Variants in OGG1 observed in about 807,000 individuals in gnomAD.
OGG1 encodes N-glycosylase/DNA lyase.
In OGG1, 35 loss-of-function variants were observed where a neutral mutation model predicts 42.3. The observed-to-expected ratio is 0.83, with a 90% CI of 0.63 to 1.10. OGG1 has a LOEUF of 1.10. Among genes scored for constraint, OGG1 ranks in the 50% least tolerant of loss-of-function variants. The probability of loss-of-function intolerance (pLI) is 0.00; values close to 1 mark genes in which losing one functional copy is unlikely to be tolerated. For missense variants in OGG1, 484 were observed against 446.7 expected (o/e 1.08, Z -0.75); for synonymous variants, 189 against 179.0 (o/e 1.06, Z -0.44).
chr3:9,766,202 C>G, exon 8 of OGG1: 1 of 761,170 alleles, frequency 1.3e-6, no homozygotes, highest in Non-Finnish European at 2.3e-6. Context: ...TTTGCCACCA[C>G]CTGGGGAGAG....
intron 7 of OGG1, chr3:9,763,228 G>T (rs780729700): frequency 1.1e-5 from 17 of 1,613,580 alleles, no homozygotes; most frequent in Non-Finnish European, 1.4e-5. Context: ...AAGGAGAAAT[G>T]AGGTGGTTTA....
At chr3:9,790,643 A>T (rs17050572), downstream of OGG1, among the ~76,000 whole-genome samples, 335 of 152,352 alleles carry the variant, frequency 2.2e-3, 11 homozygotes, top group East Asian at 0.06. Flanking sequence ...AAGTCATCAG[A>T]GTAGCAAATA....
chr3:9,787,417 A>G (rs1246965793), intron 3 of OGG1: 2 of 1,518,250 alleles, frequency 1.3e-6, no homozygotes, highest in Admixed American at 2.2e-5. Flanking sequence ...TCACTTACCT[A>G]TCTTATATCT....
Position 9,766,207 on chromosome 3 carries a change from G to GGA in OGG1, c.*380_*381dup, listed in dbSNP as rs767929028. On this transcript the variant is annotated 3_prime_UTR_variant, in exon 8 of 8. Transcript: ENST00000302008. Reference sequence around the variant, plus strand: ...GGCGATCATCTTTGCCACCACCTGGGGAGAGCCTGCTTGGGAATGAAATTA... The same window carrying GGA: ...GGCGATCATCTTTGCCACCACCTGGGGAGAGAGCCTGCTTGGGAATGAAATTA... The GGA allele has an allele frequency of 5.4e-6, 4 of 746,488 alleles. No homozygotes were observed. In the Admixed American group the frequency reaches 8.0e-5, roughly 15 times the overall value. 46.2% of individuals were successfully genotyped at this position (746,488 alleles called of 1,614,324 possible). A position where few individuals can be genotyped will look rare whatever the true frequency, so the allele number is the denominator to read the frequency against.
intron 7 of OGG1, among the ~76,000 whole-genome samples, chr3:9,764,875 A>G (rs2125590442): frequency 6.6e-6 from 1 of 152,164 alleles, no homozygotes; most frequent in African/African-American, 2.4e-5. Context: ...AGGAAGGCTC[A>G]GCTCTGCCAC....
chr3:9,769,761 C>G (rs1408537557), downstream of OGG1: 1 of 152,218 alleles, frequency 6.6e-6, no homozygotes, highest in African/African-American at 2.4e-5. Context: ...GGAAAGGATA[C>G]CCAGAGGCTA....
chr3:9,765,241 AATT>A (rs927744181), intron 7 of OGG1, among the ~76,000 whole-genome samples: 2 of 151,880 alleles, frequency 1.3e-5, no homozygotes, highest in African/African-American at 4.8e-5. Context: ...AAAAAAAAAA[AATT>A]ATCTGCCCAG....
downstream of OGG1, chr3:9,759,209 T>C (rs115609368): frequency 6.1e-4 from 979 of 1,614,088 alleles, 5 homozygotes; most frequent in Admixed American, 9.3e-3. Context: ...ATCACCACTT[T>C]TATGACCTTT....
downstream of OGG1, among the ~76,000 whole-genome samples, chr3:9,790,927 T>C (rs2078714442): frequency 6.6e-6 from 1 of 152,198 alleles, no homozygotes; most frequent in Non-Finnish European, 1.5e-5. Context: ...TCACCTGGTA[T>C]GTACTTGACT....
chr3:9,782,708 C>A, intron 3 of OGG1, among the ~76,000 whole-genome samples: 1 of 150,890 alleles, frequency 6.6e-6, no homozygotes, highest in East Asian at 2.0e-4. Context: ...GGAGAACTGC[C>A]TGAACCCGGG....
downstream of OGG1, chr3:9,760,262 A>T (rs1436888015): frequency 5.3e-6 from 1 of 187,394 alleles, no homozygotes; most frequent in Non-Finnish European, 1.1e-5. Flanking sequence ...AGAAAAAAAA[A>T]AAAAAGTTGT....
chr3:9,767,533 C>T (rs2078187758), downstream of OGG1: 1 of 1,080,786 alleles, frequency 9.3e-7, no homozygotes, highest in Admixed American at 2.4e-5. Flanking sequence ...AAGCTGGGGA[C>T]AGTTTAGGCC....
downstream of OGG1, chr3:9,760,393 G>T (rs1226846141): frequency 2.5e-6 from 1 of 397,544 alleles, no homozygotes; most frequent in African/African-American, 2.0e-5. Context: ...TAGACATTAG[G>T]GTGTCAATAG....
downstream of OGG1, chr3:9,761,622 C>T: frequency 6.2e-7 from 1 of 1,614,100 alleles, no homozygotes; most frequent in Non-Finnish European, 8.5e-7. Context: ...AGCCCAGGGC[C>T]CTCCGCACCC....
At chr3:9,775,279 G>T (rs1333959379) in intron 2 of OGG1, among the ~76,000 whole-genome samples, 3 of 152,028 alleles carry the variant, frequency 2.0e-5, no homozygotes, top group African/African-American at 7.2e-5. Context: ...TATGCCCTGA[G>T]CTTTTGATTA....
chr3:9,761,293 C>T (rs1051392000), downstream of OGG1: 5 of 703,716 alleles, frequency 7.1e-6, no homozygotes, highest in African/African-American at 3.6e-5. Flanking sequence ...TGGCACAGTG[C>T]TTGAAACATA....
At chr3:9,790,091 T>C, downstream of OGG1, 1 of 1,191,066 alleles carries the variant, frequency 8.4e-7, no homozygotes, top group South Asian at 1.7e-5. Flanking sequence ...TCTTTTTACC[T>C]AGTAAACTCT....
At chr3:9,763,946 A>AT (rs1376361745) in intron 7 of OGG1, among the ~76,000 whole-genome samples, 7 of 152,182 alleles carry the variant, frequency 4.6e-5, no homozygotes, top group Non-Finnish European at 7.3e-5. Context: ...AGATCATGCC[A>AT]TTACACTCCA....
rs1043102203 is a variant in OGG1 at position 9,749,983 on chromosome 3, A to G, written c.-304A>G. 4.7e-6 allele frequency: 2 copies of G among 429,736 alleles called. No homozygotes were observed. The highest frequency in any genetic ancestry group is 8.4e-6 in the Non-Finnish European group (2 of 236,814). The allele number at this position is 429,736 out of a possible 1,614,324, so 26.6% of individuals were successfully genotyped here. ...GCTGTGGTCTGCCCCTGGAGAACCC[A>G]GAAGAACACAGCTGTGCGCGCCCAC... On this transcript the variant is annotated 5_prime_UTR_variant, in exon 1 of 7. Transcript: ENST00000344629.
Sources: gnomAD v4.1 joint callset for allele counts (sites outside exome capture counted in the v4.1 genomes callset) on GRCh38, gnomAD v4.1.1 for gene constraint, MANE v1.5 for transcripts, NCBI Gene and HGNC (gene_info 2026-07-23, HGNC 2026-07-21) for gene names.